Variants in NMNAT3 observed in about 807,000 individuals in gnomAD.
NMNAT3 encodes nicotinamide nucleotide adenylyltransferase 3.
In NMNAT3, 21 loss-of-function variants were observed where a neutral mutation model predicts 24.8. The observed-to-expected ratio is 0.85, with a 90% CI of 0.60 to 1.22. The LOEUF (loss-of-function observed/expected upper bound fraction) is 1.22, where lower values mean the gene tolerates loss of function less well. Ranked by LOEUF, NMNAT3 falls within the 50% of genes most tolerant of loss-of-function variation. The probability of loss-of-function intolerance (pLI) is 0.00; values close to 1 mark genes in which losing one functional copy is unlikely to be tolerated. For synonymous variants in NMNAT3, 136 were observed against 155.2 expected, an observed-to-expected ratio of 0.88 and a Z score of 0.92; for missense variants, 387 against 436.6, an observed-to-expected ratio of 0.89 and a Z score of 1.01.
chr3:139,612,793 C>A (rs1040889103), intron 3 of NMNAT3, among the ~76,000 whole-genome samples: 1 of 152,110 alleles, frequency 6.6e-6, no homozygotes, highest in African/African-American at 2.4e-5. Context: ...GAGATATAGA[C>A]CAATGGAACA....
chr3:139,593,070 A>G (rs1031103518), intron 3 of NMNAT3, among the ~76,000 whole-genome samples: 13 of 152,192 alleles, frequency 8.5e-5, no homozygotes, highest in Non-Finnish European at 1.8e-4. Context: ...GTATTCAGGA[A>G]ACCCATCTCA....
chr3:139,615,969 A>C (rs1344079535), intron 3 of NMNAT3, among the ~76,000 whole-genome samples: 1 of 152,132 alleles, frequency 6.6e-6, no homozygotes, highest in Non-Finnish European at 1.5e-5. Flanking sequence ...TTATTATGAC[A>C]AATAATCTCT....
chr3:139,599,012 G>A (rs939249300), intron 3 of NMNAT3: 1 of 343,708 alleles, frequency 2.9e-6, no homozygotes, highest in South Asian at 4.9e-5. Flanking sequence ...CCCTTCTAGA[G>A]CTGACCATCC....
At chr3:139,589,825 C>T (rs2054090220) in intron 3 of NMNAT3, among the ~76,000 whole-genome samples, 1 of 152,210 alleles carries the variant, frequency 6.6e-6, no homozygotes, top group Admixed American at 6.5e-5. Context: ...TGAAGTATGG[C>T]ATGAAGTTGT....
chr3:139,582,498 C>T (rs1335115173), intron 4 of NMNAT3, among the ~76,000 whole-genome samples: 1 of 151,386 alleles, frequency 6.6e-6, no homozygotes, highest in Admixed American at 6.6e-5. Context: ...AAAATTTAGG[C>T]AGGTGTGGTG....
intron 2 of NMNAT3, among the ~76,000 whole-genome samples, chr3:139,631,346 G>A (rs1165266073): frequency 3.3e-5 from 5 of 152,074 alleles, no homozygotes; most frequent in Non-Finnish European, 5.9e-5. Flanking sequence ...ATCACTCCAG[G>A]GATCCACCAG....
At chr3:139,664,764 T>A (rs1265630474) in intron 1 of NMNAT3, among the ~76,000 whole-genome samples, 2 of 152,244 alleles carry the variant, frequency 1.3e-5, no homozygotes, top group African/African-American at 2.4e-5. Context: ...CAGAAAGCCT[T>A]CTTTAAAGCA....
intron 1 of NMNAT3, among the ~76,000 whole-genome samples, chr3:139,672,447 A>T (rs192269943): frequency 9.8e-5 from 15 of 152,364 alleles, no homozygotes; most frequent in Middle Eastern, 3.4e-3. Flanking sequence ...TTCAAGAGGC[A>T]TAAATACTGT....
In NMNAT3 at chr3:139,663,404, A is replaced by G. The variant is rs1029658008; in HGVS notation, c.-141+14301T>C. Among the ~76,000 whole-genome samples, 7 of 152,188 alleles carry G rather than the reference A, an allele frequency of 4.6e-5. No homozygotes were observed. The East Asian group carries it at 1.3e-3, about 29-fold the overall frequency. ...GCCCCCATGCCACAGAACCAAACAC[A>G]TTCACAGGTTCTGGGAATTAGGATG... On this transcript the variant is annotated intron_variant, in intron 1 of 6. Transcript: ENST00000643695.
chr3:139,583,557 C>G, intron 3 of NMNAT3: 1 of 759,952 alleles, frequency 1.3e-6, no homozygotes, highest in Admixed American at 2.0e-5. Context: ...TTATTTTCTT[C>G]ACTTCATTTG....
chr3:139,598,329 G>A (rs950983981), intron 3 of NMNAT3, among the ~76,000 whole-genome samples: 3 of 152,122 alleles, frequency 2.0e-5, no homozygotes, highest in African/African-American at 7.2e-5. Context: ...TTACTCAATG[G>A]CAGAAGTGAT....
At chr3:139,648,897 T>C (rs2056962066) in intron 1 of NMNAT3, among the ~76,000 whole-genome samples, 2 of 151,260 alleles carry the variant, frequency 1.3e-5, no homozygotes, top group Non-Finnish European at 2.9e-5. Flanking sequence ...TCTCACATGG[T>C]TTAAACAAAG....
At chr3:139,646,175 G>A (rs933340061) in intron 1 of NMNAT3, among the ~76,000 whole-genome samples, 1 of 152,120 alleles carries the variant, frequency 6.6e-6, no homozygotes, top group South Asian at 2.1e-4. Flanking sequence ...GTGCAGATTT[G>A]GTTGTGATTT....
rs368910023 is a variant in NMNAT3 at position 139,561,259 on chromosome 3, G to A, written c.792C>T (p.His264=). Residue 264 remains histidine, a synonymous_variant, in exon 7 of 7, where the codon CAC becomes CAT. Transcript: ENST00000643695. Reference sequence around the variant, plus strand: ...ATTCTGCGATGTAACCTTTTGGGTCGTGACCTACTCGGCCCACGCACACCA... The same window carrying A: ...ATTCTGCGATGTAACCTTTTGGGTCATGACCTACTCGGCCCACGCACACCA... 3.3e-5 allele frequency: 53 copies of A among 1,613,882 alleles called. No individual in the cohort carries two copies. In the African/African-American group the frequency reaches 3.9e-4, roughly 12 times the overall value.
At chr3:139,666,305 C>A (rs1368427348) in intron 1 of NMNAT3, among the ~76,000 whole-genome samples, 1 of 152,168 alleles carries the variant, frequency 6.6e-6, no homozygotes, top group Non-Finnish European at 1.5e-5. Flanking sequence ...CAGCTCCCAC[C>A]TGGTCCTCCA....
chr3:139,596,393 G>A (rs1317319062), intron 3 of NMNAT3, among the ~76,000 whole-genome samples: 1 of 152,154 alleles, frequency 6.6e-6, no homozygotes, highest in Admixed American at 6.5e-5. Flanking sequence ...ATTTTACTAA[G>A]TGAAATATAT....
At position 139,573,646 on chromosome 3, in the gene NMNAT3, G is replaced by T. The variant is rs571538768; in HGVS notation, c.610C>A (p.Gln204Lys). 4 of 1,606,100 alleles carry T rather than the reference G, an allele frequency of 2.5e-6. No homozygotes were observed. Among genetic ancestry groups the T allele is most frequent in the Non-Finnish European group, 3.4e-6 (4 of 1,176,738 alleles). ...TTGCCATGGTCTGGGCCTTCCATCTGGGGTGGAGATCTGAGCAGTTTGCTG... is the reference window on the plus strand; with the variant it reads ...TTGCCATGGTCTGGGCCTTCCATCTTGGGTGGAGATCTGAGCAGTTTGCTG... Residue 204 changes from glutamine (Q) to lysine (K), a missense_variant, in exon 6 of 7, where the codon CAG (glutamine) becomes AAG (lysine). By Grantham distance (53) the Gln-to-Lys change is moderately conservative. This residue lies in a region of NMNAT3 where 323 missense variants were observed against 345.2 expected (regional missense o/e 0.94). Transcript: ENST00000643695.
intron 3 of NMNAT3, among the ~76,000 whole-genome samples, chr3:139,606,727 T>G (rs2054963050): frequency 6.6e-6 from 1 of 152,234 alleles, no homozygotes; most frequent in African/African-American, 2.4e-5. Context: ...TATTCTACCG[T>G]AAGGAAGGAT....
At chr3:139,636,433 G>A (rs1005162502) in intron 2 of NMNAT3, 16 of 152,034 alleles carry the variant, frequency 1.1e-4, no homozygotes, top group African/African-American at 2.7e-4. Context: ...GTGCAGCAGC[G>A]AATCTTTTCT....
Sources: gnomAD v4.1 joint callset for allele counts (sites outside exome capture counted in the v4.1 genomes callset) on GRCh38, gnomAD v4.1.1 for gene constraint, gnomAD v4.1.1 regional missense constraint, MANE v1.5 for transcripts, NCBI Gene and HGNC (gene_info 2026-07-23, HGNC 2026-07-21) for gene names.